MTHFD1L: variants seen among roughly 807,000 people sequenced by gnomAD.
MTHFD1L encodes the protein methylenetetrahydrofolate dehydrogenase (NADP+ dependent) 1 like, also known as monofunctional C1-tetrahydrofolate synthase, mitochondrial.
MTHFD1L carries 81 observed loss-of-function variants against 119.5 expected under a neutral mutation model. The ratio of observed to expected loss-of-function variants is 0.68; its 90% CI spans 0.57 to 0.82. MTHFD1L has a LOEUF of 0.82. MTHFD1L is among the 40% of genes least tolerant of loss of function. MTHFD1L has a pLI of 0.00. For missense variants in MTHFD1L, 1,125 were observed against 1,253.4 expected, an observed-to-expected ratio of 0.90 and a Z score of 1.55; for synonymous variants, 430 against 475.2, an observed-to-expected ratio of 0.90 and a Z score of 1.24.
At chr6:150,877,715 A>G (rs748711577) in intron 3 of MTHFD1L, 31 bp downstream of exon 3, 40 of 1,614,206 alleles carry the variant, frequency 2.5e-5, no homozygotes, top group East Asian at 6.7e-5. Context: ...AAAATTCACT[A>G]TAACTTTTAA....
intron 25 of MTHFD1L, among the ~76,000 whole-genome samples, chr6:151,035,974 A>C (rs1476658413): frequency 2.0e-5 from 3 of 152,226 alleles, no homozygotes; most frequent in Non-Finnish European, 4.4e-5. Context: ...GGTATAGAAG[A>C]GTGGAGATTT....
chr6:151,064,976 G>T (rs758561036), intron 26 of MTHFD1L, among the ~76,000 whole-genome samples: 2 of 151,872 alleles, frequency 1.3e-5, no homozygotes, highest in African/African-American at 4.8e-5. Context: ...TAATTTGCTT[G>T]TATTTTTAGT....
rs766991962 is a variant in MTHFD1L at position 151,015,689 on chromosome 6, T to C, written c.2582T>C (p.Val861Ala). Reference sequence around the variant, plus strand: ...AGCCGATTCCAGTTCCTGTATGATGTTCAGGTAAGATCTAGTAAAAACAAT... The same window carrying C: ...AGCCGATTCCAGTTCCTGTATGATGCTCAGGTAAGATCTAGTAAAAACAAT... ...KRSRFQFLYD[V>A]QVPIVDKIRT... The change falls in exon 24 of 28, where the codon GTT becomes GCT. Residue 861 changes from valine to alanine, a missense_variant. By Grantham distance (64) the Val-to-Ala change is moderately conservative. Around this residue, in one of 3 missense-constraint regions of MTHFD1L, gnomAD observed 1,058 missense variants for 1,151.2 expected, o/e 0.92. Transcript: ENST00000367321. 17 of 1,613,568 alleles carry C rather than the reference T, an allele frequency of 1.1e-5. No individual in the cohort carries two copies. The Middle Eastern group carries it at 8.3e-4, about 78-fold the overall frequency.
intron 12 of MTHFD1L, among the ~76,000 whole-genome samples, 200 bp downstream of exon 12, chr6:150,937,140 C>T (rs1006057617): frequency 6.6e-6 from 1 of 152,036 alleles, no homozygotes; most frequent in Admixed American, 6.6e-5. Flanking sequence ...GCCAGGGCTT[C>T]ACTGGATGCC....
In MTHFD1L at chr6:151,059,186, C is replaced by CTGGTGGTGGTGG. The variant is rs71014535; in HGVS notation, c.2847+22086_2847+22097dup. Among the ~76,000 whole-genome samples, 239 of 151,096 alleles carry CTGGTGGTGGTGG rather than the reference C, an allele frequency of 1.6e-3. 4 individuals are homozygous for CTGGTGGTGGTGG. The highest frequency in any genetic ancestry group is 5.4e-3 in the African/African-American group (222 of 41,148). ...AGCTCCAGGCTGCTACAGTTCTAAA[C>CTGGTGGTGGTGG]TGGTGGTGGTGGTGGTGGTGGTGGT... On this transcript the variant is annotated intron_variant, in intron 26 of 27. Coordinates refer to ENST00000367321, the MANE Select transcript of MTHFD1L (RefSeq NM_015440.5).
intron 27 of MTHFD1L, among the ~76,000 whole-genome samples, chr6:151,100,975 G>A (rs1279054764): frequency 2.0e-5 from 3 of 152,018 alleles, no homozygotes; most frequent in Non-Finnish European, 4.4e-5. Flanking sequence ...CCTGGCCAAC[G>A]TGGTGAAACC....
At chr6:150,970,785 T>C (rs1797901610) in intron 19 of MTHFD1L, among the ~76,000 whole-genome samples, 1 of 152,212 alleles carries the variant, frequency 6.6e-6, no homozygotes, top group Admixed American at 6.5e-5. Context: ...GCTATATCCA[T>C]GTTTGAGTGT....
At chr6:150,916,428 GTAGC>G (rs1238515453) in intron 8 of MTHFD1L, among the ~76,000 whole-genome samples, 1 of 132,412 alleles carries the variant, frequency 7.6e-6, no homozygotes, top group Non-Finnish European at 1.6e-5. Flanking sequence ...AGCCTCCCTA[GTAGC>G]TGGGATCACA....
At chr6:151,024,858 A>G (rs1056118061) in intron 24 of MTHFD1L, among the ~76,000 whole-genome samples, 9 of 152,000 alleles carry the variant, frequency 5.9e-5, no homozygotes, top group African/African-American at 2.2e-4. Context: ...GAGCCTGGGC[A>G]ACAGAACAAG....
Position 150,927,384 on chromosome 6 carries a change from T to C in MTHFD1L, c.1256+1089T>C, listed in dbSNP as rs143597936. ...AGCATATGTGGCATACTGAGCTCCA[T>C]GTGAGTGAATATTGAGCTATGTCAC... On this transcript the variant is annotated intron_variant, in intron 11 of 27. Transcript: ENST00000367321. Among the ~76,000 whole-genome samples the C allele has an allele frequency of 4.6e-3, 702 of 152,026 alleles. 6 individuals carry two copies. Among genetic ancestry groups the C allele is most frequent in the African/African-American group, 0.016 (659 of 41,472 alleles).
At chr6:151,061,182 T>A (rs1423535991) in intron 26 of MTHFD1L, among the ~76,000 whole-genome samples, 2 of 152,096 alleles carry the variant, frequency 1.3e-5, no homozygotes, top group Non-Finnish European at 2.9e-5. Flanking sequence ...GACCATGATT[T>A]ATTACAGCAC....
At chr6:151,084,988 TA>T (rs1793632932) in intron 26 of MTHFD1L, among the ~76,000 whole-genome samples, 2 of 123,884 alleles carry the variant, frequency 1.6e-5, no homozygotes, top group African/African-American at 6.8e-5. Context: ...AAAAAAAATA[TA>T]TATATATATA....
At chr6:150,988,869 G>A (rs1258779514) in intron 20 of MTHFD1L, among the ~76,000 whole-genome samples, 2 of 150,036 alleles carry the variant, frequency 1.3e-5, no homozygotes, top group East Asian at 3.9e-4. Context: ...GCCTCCCAAA[G>A]CGCTGGGATT....
At chr6:151,099,846 C>T in intron 27 of MTHFD1L, 1 of 1,595,852 alleles carries the variant, frequency 6.3e-7, no homozygotes, top group Non-Finnish European at 8.5e-7. Context: ...CCTCCAAGAA[C>T]CGCAAAGCCA....
intron 26 of MTHFD1L, among the ~76,000 whole-genome samples, chr6:151,083,627 T>C (rs1044936268): frequency 4.6e-5 from 7 of 152,256 alleles, no homozygotes; most frequent in Non-Finnish European, 8.8e-5. Context: ...ATTGTCTGTA[T>C]TGGATTTTGC....
intron 26 of MTHFD1L, among the ~76,000 whole-genome samples, chr6:151,049,945 A>G (rs1788756812): frequency 6.6e-6 from 1 of 152,004 alleles, no homozygotes; most frequent in Admixed American, 6.6e-5. Context: ...AGACCCTCCC[A>G]TGAGAGGGTC....
chr6:150,868,567 G>C (rs1778847457), intron 1 of MTHFD1L, among the ~76,000 whole-genome samples: 1 of 151,924 alleles, frequency 6.6e-6, no homozygotes, highest in African/African-American at 2.4e-5. Flanking sequence ...TCAAACTCCT[G>C]ACCTCGTGAT....
intron 19 of MTHFD1L, among the ~76,000 whole-genome samples, chr6:150,968,122 A>T (rs192696915): frequency 6.6e-6 from 1 of 152,232 alleles, no homozygotes; most frequent in African/African-American, 2.4e-5. Flanking sequence ...CAGAGAAGCC[A>T]CAGGAATGTG....
intron 11 of MTHFD1L, among the ~76,000 whole-genome samples, chr6:150,932,830 G>GAAA (rs1791353335): frequency 9.9e-6 from 1 of 100,700 alleles, no homozygotes; most frequent in African/African-American, 5.4e-5. Flanking sequence ...AAGGAAGGAA[G>GAAA]GAAGGAAGGA....
Sources: allele counts gnomAD v4.1 joint callset (sites outside exome capture counted in the v4.1 genomes callset), GRCh38; gene constraint gnomAD v4.1.1; regional missense constraint gnomAD v4.1.1; transcripts MANE v1.5; gene names NCBI Gene and HGNC (gene_info 2026-07-23, HGNC 2026-07-21).